The following RABGAP1L variants were observed in gnomAD, a reference collection of about 807,000 sequenced individuals.
RABGAP1L encodes the protein rab GTPase-activating protein 1-like.
A neutral mutation model predicts 137.7 loss-of-function variants in RABGAP1L; 63 were observed. The ratio of observed to expected loss-of-function variants is 0.46; its 90% confidence interval spans 0.37 to 0.56. The LOEUF is 0.56. Among genes scored for constraint, RABGAP1L ranks in the 20% least tolerant of loss-of-function variants. The probability of loss-of-function intolerance (pLI) is 0.00; values close to 1 mark genes in which losing one functional copy is unlikely to be tolerated. For synonymous variants in RABGAP1L, 431 were observed against 433.7 expected (o/e 0.99, Z 0.08); for missense variants, 1,095 against 1,244.0 (o/e 0.88, Z 1.80).
At chr1:174,686,938 C>T (rs928973343) in intron 15 of RABGAP1L, among the ~76,000 whole-genome samples, 19 of 151,852 alleles carry the variant, frequency 1.3e-4, no homozygotes, top group African/African-American at 4.1e-4. Context: ...GGATTACAGG[C>T]GTGAGCCACC....
At chr1:174,257,161 AT>A (rs1673208277) in intron 7 of RABGAP1L, among the ~76,000 whole-genome samples, 1 of 152,112 alleles carries the variant, frequency 6.6e-6, no homozygotes, top group Admixed American at 6.6e-5. Flanking sequence ...TGCCTGCATC[AT>A]TTTTTTGAGC....
chr1:174,802,783 G>GT (rs1405361697), intron 18 of RABGAP1L, among the ~76,000 whole-genome samples: 1 of 152,206 alleles, frequency 6.6e-6, no homozygotes, highest in Non-Finnish European at 1.5e-5. Context: ...CTGCTATTCA[G>GT]TAAGTTACTG....
intron 13 of RABGAP1L, among the ~76,000 whole-genome samples, chr1:174,568,631 G>A (rs1023036347): frequency 2.0e-5 from 3 of 152,294 alleles, no homozygotes; most frequent in African/African-American, 7.2e-5. Flanking sequence ...TAAAATAGGA[G>A]TGTGCACTTG....
At chr1:174,846,819 CAGT>C (rs1024026340) in intron 19 of RABGAP1L, among the ~76,000 whole-genome samples, 1 of 61,808 alleles carries the variant, frequency 1.6e-5, no homozygotes, top group African/African-American at 3.7e-5. Flanking sequence ...CTAATGTTGA[CAGT>C]GGGGTGTTAA....
chr1:174,773,163 G>GGT (rs9286899), intron 18 of RABGAP1L, among the ~76,000 whole-genome samples: 97 of 149,656 alleles, frequency 6.5e-4, no homozygotes, highest in African/African-American at 1.2e-3. Context: ...TAAGCTATGG[G>GGT]GTGTGTGTGT....
At chr1:174,589,343 C>T (rs758228499) in intron 13 of RABGAP1L, among the ~76,000 whole-genome samples, 10 of 152,022 alleles carry the variant, frequency 6.6e-5, no homozygotes, top group Middle Eastern at 3.4e-3. Context: ...TTATATATTC[C>T]GGTTGTTCAT....
chr1:174,677,699 C>T (rs2148465094), intron 14 of RABGAP1L, among the ~76,000 whole-genome samples: 1 of 152,278 alleles, frequency 6.6e-6, no homozygotes, highest in East Asian at 1.9e-4. Context: ...TATATACCAC[C>T]CCACTCACCT....
chr1:174,608,367 GC>G (rs1238950051), intron 13 of RABGAP1L, among the ~76,000 whole-genome samples: 2 of 152,134 alleles, frequency 1.3e-5, no homozygotes, highest in African/African-American at 4.8e-5. Context: ...GTGGCCAGGA[GC>G]TTATCTTTCA....
rs1340503403 is a variant in RABGAP1L at position 174,994,342 on chromosome 1, A to AAAAG, written c.*4343_*4346dup. The AAAAG allele has an allele frequency of 3.9e-5, 6 of 152,228 alleles. No homozygotes were observed. The highest frequency in any genetic ancestry group is 8.8e-5 in the Non-Finnish European group (6 of 68,038). 9.4% of individuals were successfully genotyped at this position (152,228 alleles called of 1,614,324 possible). A position where few individuals can be genotyped will look rare whatever the true frequency, so the allele number is the denominator to read the frequency against. Reference sequence around the variant, plus strand: ...GGCATTCCTTTCTCAGTTTGCATCTAAAAGACTACATATGTCAAGCTTATC... The same window carrying AAAAG: ...GGCATTCCTTTCTCAGTTTGCATCTAAAAGAAAGACTACATATGTCAAGCTTATC... On this transcript the variant is annotated 3_prime_UTR_variant, in exon 26 of 26. Transcript: ENST00000681986.
At chr1:174,649,960 G>A (rs1675320926) in intron 14 of RABGAP1L, among the ~76,000 whole-genome samples, 1 of 152,102 alleles carries the variant, frequency 6.6e-6, no homozygotes, top group Non-Finnish European at 1.5e-5. Flanking sequence ...GTATGATATT[G>A]GCTGTGGGTG....
At chr1:174,820,845 C>T (rs887444196) in intron 19 of RABGAP1L, among the ~76,000 whole-genome samples, 26 of 151,944 alleles carry the variant, frequency 1.7e-4, no homozygotes, top group Non-Finnish European at 2.1e-4. Flanking sequence ...GGTGAAAACC[C>T]GTATCTACTA....
intron 17 of RABGAP1L, among the ~76,000 whole-genome samples, chr1:174,711,125 G>A (rs1394977952): frequency 1.3e-5 from 2 of 152,142 alleles, no homozygotes; most frequent in African/African-American, 2.4e-5. Flanking sequence ...CCAGCTGGCC[G>A]CTGTGAGTGC....
intron 19 of RABGAP1L, among the ~76,000 whole-genome samples, chr1:174,848,872 T>C (rs889071296): frequency 2.0e-5 from 3 of 151,126 alleles, no homozygotes; most frequent in African/African-American, 7.3e-5. Flanking sequence ...GTGCTAGCAA[T>C]CAGCGAGATT....
At chr1:174,875,362 A>G (rs1382183959) in intron 19 of RABGAP1L, among the ~76,000 whole-genome samples, 1 of 152,184 alleles carries the variant, frequency 6.6e-6, no homozygotes, top group Non-Finnish European at 1.5e-5. Context: ...CGTAACCAAG[A>G]AGATTACCTA....
At chr1:174,624,776 CTCTT>C (rs999671630) in intron 13 of RABGAP1L, among the ~76,000 whole-genome samples, 4 of 151,990 alleles carry the variant, frequency 2.6e-5, no homozygotes, top group Non-Finnish European at 5.9e-5. Context: ...GACTGTAACA[CTCTT>C]TCTCTAAATA....
At chr1:174,957,574 C>G in intron 20 of RABGAP1L, 25 bp downstream of exon 20, 1 of 1,557,076 alleles carries the variant, frequency 6.4e-7, no homozygotes, top group Non-Finnish European at 8.9e-7. Context: ...TTGCACCTAT[C>G]AAAGTACCTT....
chr1:174,310,335 T>G (rs1471838413), intron 11 of RABGAP1L, among the ~76,000 whole-genome samples: 1 of 152,222 alleles, frequency 6.6e-6, no homozygotes, highest in African/African-American at 2.4e-5. Context: ...TATTTCAGTC[T>G]TCTTAAATTT....
intron 13 of RABGAP1L, among the ~76,000 whole-genome samples, chr1:174,403,419 A>C (rs1008074618): frequency 2.0e-5 from 3 of 151,940 alleles, no homozygotes; most frequent in Admixed American, 6.6e-5. Flanking sequence ...ACCTGGATTT[A>C]AGATTCACCT....
intron 13 of RABGAP1L, among the ~76,000 whole-genome samples, chr1:174,622,026 A>C (rs1371952654): frequency 6.6e-6 from 1 of 152,236 alleles, no homozygotes; most frequent in Admixed American, 6.5e-5. Context: ...AAACAACCCC[A>C]TCAAAGAGTG....
Sources: gnomAD v4.1 joint callset for allele counts (sites outside exome capture counted in the v4.1 genomes callset) on GRCh38, gnomAD v4.1.1 for gene constraint, MANE v1.5 for transcripts, NCBI Gene and HGNC (gene_info 2026-07-23, HGNC 2026-07-21) for gene names.